The following HEXD variants were observed in gnomAD, a reference collection of about 807,000 sequenced individuals.
HEXD encodes the protein N-acetyl-beta-galactosaminidase.
HEXD carries 47 observed loss-of-function variants against 54.2 expected under a neutral mutation model. That is an observed-to-expected ratio of 0.87 (90% CI 0.69 to 1.11). HEXD has a LOEUF of 1.11. Ranked by LOEUF, HEXD falls within the 50% of genes least tolerant of loss-of-function variation. The pLI, the probability that HEXD is intolerant of heterozygous loss-of-function variation, is 0.00. For missense variants in HEXD, 576 were observed against 649.2 expected (o/e 0.89, Z 1.23); for synonymous variants, 293 against 287.6 (o/e 1.02, Z -0.19).
intron 7 of HEXD, 95 bp from the exon 8 acceptor site, chr17:82,437,072 TC>T: frequency 9.0e-7 from 1 of 1,113,584 alleles, no homozygotes; most frequent in Non-Finnish European, 1.3e-6. Context: ...CTCAGGCGGC[TC>T]CCATGTTGGC....
intron 4 of HEXD, among the ~76,000 whole-genome samples, chr17:82,433,434 T>C (rs1422738067): frequency 6.6e-6 from 1 of 151,930 alleles, no homozygotes; most frequent in East Asian, 1.9e-4. Flanking sequence ...CAAAGCGAGA[T>C]TCCATGGGGT....
intron 4 of HEXD, among the ~76,000 whole-genome samples, chr17:82,433,119 TA>T (rs2053647915): frequency 1.3e-4 from 2 of 15,408 alleles, no homozygotes; most frequent in South Asian, 2.5e-3. Context: ...TATATATATA[TA>T]TATATATATT....
At chr17:82,439,944 C>T (rs770628729) in intron 9 of HEXD, 5 of 1,507,638 alleles carry the variant, frequency 3.3e-6, no homozygotes, top group Non-Finnish European at 3.5e-6. Flanking sequence ...GAGAGTGACG[C>T]GGGAGGCACC....
In HEXD at chr17:82,439,720, C is replaced by CT; in HGVS notation, c.982+8dup. On this transcript the variant is annotated splice_region_variant and intron_variant, in intron 9 of 12. Transcript: ENST00000327949. ...CTGCAGTTGCTTCTACGCGGTATGT[C>CT]TGGTCTGGCCACCCCAAGCCCCACC... The CT allele has an allele frequency of 1.9e-6, 3 of 1,599,600 alleles. No individual in the cohort carries two copies. Among genetic ancestry groups the CT allele is most frequent in the Non-Finnish European group, 2.5e-6 (3 of 1,179,604 alleles).
chr17:82,435,970 G>A, intron 6 of HEXD, 98 bp downstream of exon 6: 1 of 1,258,084 alleles, frequency 7.9e-7, no homozygotes, highest in Non-Finnish European at 1.1e-6. Context: ...GCCCCAGGGT[G>A]AGCCCCAGCC....
chr17:82,426,171 T>TGGGGTACTTACAGGCC (rs1184094421), intron 3 of HEXD: 1 of 152,520 alleles, frequency 6.6e-6, no homozygotes, highest in Non-Finnish European at 1.5e-5. Context: ...GCTTACAGGC[T>TGGGGTACTTACAGGCC]GGGGTACTTA....
Position 82,433,702 on chromosome 17 carries a change from C to A in HEXD, c.327C>A (p.Gly109=). ...HTAFAHLREV[G]SFPCTLNPHE... ...CCTTCGCCCACCTGCGGGAGGTGGG[C>A]TCCTTCCCCTGCACCCTGAACCCCC... Residue 109 remains glycine (G), a synonymous_variant, in exon 5 of 13, where the codon GGC becomes GGA. Transcript: ENST00000327949. The A allele has an allele frequency of 1.2e-6, 2 of 1,611,164 alleles. No individual in the cohort carries two copies.
intron 1 of HEXD, among the ~76,000 whole-genome samples, chr17:82,419,514 C>T (rs2053168526): frequency 6.6e-6 from 1 of 152,146 alleles, no homozygotes; most frequent in Admixed American, 6.6e-5. Flanking sequence ...AGATCATAAC[C>T]ATCTTATAAA....
At position 82,442,093 on chromosome 17, in the gene HEXD, T is replaced by C. The variant is rs2054001035; in HGVS notation, c.1254-84T>C. On this transcript the variant is annotated intron_variant, in intron 12 of 12. Coordinates refer to ENST00000327949, the MANE Select transcript of HEXD (RefSeq NM_001330542.2). This position sits in a 1 kb window ranked among gnomAD's most constrained non-coding sequence, Gnocchi z 6.8. ...CAGTAGCCCCATTTCACAGGTGAACTGAGGCACAGGGCAGTACTGACCATG... is the reference window on the plus strand; with the variant it reads ...CAGTAGCCCCATTTCACAGGTGAACCGAGGCACAGGGCAGTACTGACCATG... The C allele has an allele frequency of 1.3e-6, 2 of 1,501,104 alleles. No homozygotes were observed. The highest frequency in any genetic ancestry group is 1.8e-5 in the Admixed American group (1 of 56,636). 93.0% of individuals were successfully genotyped at this position (1,501,104 alleles called of 1,614,324 possible).
chr17:82,419,056 C>G (rs1412742901), intron 1 of HEXD, among the ~76,000 whole-genome samples: 1 of 152,224 alleles, frequency 6.6e-6, no homozygotes, highest in Non-Finnish European at 1.5e-5. Context: ...ACATGCAAAG[C>G]TTTCCTTTCC....
intron 2 of HEXD, among the ~76,000 whole-genome samples, chr17:82,420,750 T>TAGA: frequency 6.6e-6 from 1 of 152,272 alleles, no homozygotes; most frequent in South Asian, 2.1e-4. Context: ...GTATTTTTAG[T>TAGA]AGAGACGGGG....
chr17:82,440,423 C>A (rs1029689868), intron 9 of HEXD: 16 of 752,206 alleles, frequency 2.1e-5, no homozygotes, highest in Non-Finnish European at 2.8e-5. Flanking sequence ...AAAACAGACA[C>A]CCCTGTACCC....
chr17:82,442,167 T>C lies in HEXD; in HGVS notation c.1254-10T>C. On this transcript the variant is annotated splice_polypyrimidine_tract_variant and intron_variant, in intron 12 of 12. Transcript: ENST00000327949. The surrounding 1 kb of genome is among the most constrained non-coding windows in gnomAD (Gnocchi z 6.8). ...TGCAGACTGTGCGTTCATGGCGCCC[T>C]CACCTGCAGCCTCCTGGCACAGTGG... 6.3e-7 allele frequency: 1 copy of C among 1,591,346 alleles called. No individual in the cohort carries two copies. The highest frequency in any genetic ancestry group is 8.5e-7 in the Non-Finnish European group (1 of 1,171,650).
intron 8 of HEXD, among the ~76,000 whole-genome samples, chr17:82,438,533 C>T (rs1005232437): frequency 3.9e-5 from 6 of 152,344 alleles, no homozygotes; most frequent in South Asian, 2.1e-4. Context: ...GCTCCCCTGA[C>T]GACACTGTGT....
chr17:82,429,665 C>T (rs866252204), intron 4 of HEXD, among the ~76,000 whole-genome samples: 5 of 152,154 alleles, frequency 3.3e-5, no homozygotes, highest in Admixed American at 6.6e-5. Flanking sequence ...CTTCTGGCAT[C>T]CCCAGCCGCT....
chr17:82,424,941 C>A (rs1472018265), intron 3 of HEXD, among the ~76,000 whole-genome samples: 1 of 151,444 alleles, frequency 6.6e-6, no homozygotes, highest in Non-Finnish European at 1.5e-5. Context: ...CTGGAGAAGG[C>A]TGGAGAAGGC....
chr17:82,419,462 G>C (rs2053166984), intron 1 of HEXD, among the ~76,000 whole-genome samples: 1 of 152,288 alleles, frequency 6.6e-6, no homozygotes, highest in Non-Finnish European at 1.5e-5. Flanking sequence ...GTTTAACAAG[G>C]TCTTTAAAAC....
At chr17:82,425,292 G>A (rs1017457763) in intron 3 of HEXD, among the ~76,000 whole-genome samples, 1 of 148,768 alleles carries the variant, frequency 6.7e-6, no homozygotes, top group African/African-American at 2.5e-5. Context: ...GTTAGAGAAG[G>A]CTAGATAAGG....
chr17:82,437,438 C>T (rs945103792), intron 8 of HEXD, 75 bp downstream of exon 8: 34 of 1,295,546 alleles, frequency 2.6e-5, no homozygotes, highest in South Asian at 3.2e-5. Context: ...GTGCAGCGTC[C>T]GCCAAGGGCC....
Sources: allele counts gnomAD v4.1 joint callset (sites outside exome capture counted in the v4.1 genomes callset), GRCh38; gene constraint gnomAD v4.1.1; non-coding constraint Gnocchi (gnomAD v3.1); transcripts MANE v1.5; gene names NCBI Gene and HGNC (gene_info 2026-07-23, HGNC 2026-07-21).